Variants in NCAPH2 observed in about 807,000 individuals in gnomAD.
NCAPH2 encodes the protein non-SMC condensin II complex subunit H2.
Under a neutral mutation model 88.6 loss-of-function variants are expected in NCAPH2, and 56 were observed. The ratio of observed to expected loss-of-function variants is 0.63; its 90% CI spans 0.51 to 0.79. The LOEUF (loss-of-function observed/expected upper bound fraction) is 0.79. Ranked by LOEUF, NCAPH2 falls within the 30% of genes least tolerant of loss-of-function variation. The pLI, the probability that NCAPH2 is intolerant of heterozygous loss-of-function variation, is 0.00. For synonymous variants in NCAPH2, 378 were observed against 313.6 expected (o/e 1.21, Z -2.17); for missense variants, 794 against 792.0 (o/e 1.00, Z -0.03).
chr22:50,511,954 ATT>A (rs2068796171), intron 1 of NCAPH2, among the ~76,000 whole-genome samples: 1 of 151,874 alleles, frequency 6.6e-6, no homozygotes, highest in Non-Finnish European at 1.5e-5. Flanking sequence ...GCCCCAGCTA[ATT>A]TTTGTATTTT....
intron 13 of NCAPH2, 51 bp from the exon 14 acceptor site, chr22:50,522,130 G>A: frequency 1.2e-6 from 2 of 1,611,568 alleles, no homozygotes; most frequent in Non-Finnish European, 8.5e-7. Flanking sequence ...GGGTGGACTG[G>A]CACGGGGCCT....
Position 50,517,664 on chromosome 22 carries a change from G to A in NCAPH2, c.351+3G>A, listed in dbSNP as rs113818181. 3 of 1,614,144 alleles carry A rather than the reference G, an allele frequency of 1.9e-6. No individual in the cohort carries two copies. The highest frequency in any genetic ancestry group is 2.5e-6 in the Non-Finnish European group (3 of 1,180,036). On this transcript the variant is annotated splice_donor_region_variant and intron_variant, in intron 4 of 19. Transcript: ENST00000420993. ...TCCCCCAGGAGGCAGAGAATGAGGT[G>A]AGTTTCTTTGGCATGTGGTCCCCGC... is the stretch of plus-strand genomic sequence containing the variant.
At position 50,517,579 on chromosome 22, in the gene NCAPH2, G is replaced by A. The variant is rs777591184; in HGVS notation, c.269G>A (p.Arg90Gln). 6.8e-5 allele frequency: 110 copies of A among 1,613,928 alleles called. No homozygotes were observed. The Admixed American group carries it at 6.8e-4, about 10-fold the overall frequency. Residue 90 changes from arginine (R) to glutamine (Q), a missense_variant and splice_region_variant, in exon 4 of 20, where the codon CGG becomes CAG. Arg to Gln is a conservative substitution (Grantham distance 43). Transcript: ENST00000420993. Reference protein sequence around the residue: ...QALDFISGKRRAKQLSSVQED... With the variant: ...QALDFISGKRQAKQLSSVQED... ...CACGGGATGTGCTTCTCTCTCAGGC[G>A]GGCCAAGCAGCTCTCTTCGGTGCAG...
In NCAPH2 at chr22:50,517,797, T is replaced by C. The variant is rs764200384; in HGVS notation, c.408T>C (p.Asp136=). ...GGACTAACGTGGATCTCAAGAATGA[T>C]CAGACGCCCAGTGTGAGTCCTGGCC... ...DSRTNVDLKN[D]QTPSEVLIIP... Residue 136 remains aspartate, a synonymous_variant, in exon 5 of 20, where the codon GAT becomes GAC. Transcript: ENST00000420993. The C allele has an allele frequency of 1.9e-6, 3 of 1,613,914 alleles. No homozygotes were observed. In the Admixed American group the frequency reaches 5.0e-5, roughly 27 times the overall value.
rs1039499532 is a variant in NCAPH2, at chr22:50,524,663, T to C, written c.*1288T>C. ...GGATCACCAGCCTGTCACCGCACCC[T>C]GCCCTGCACCTGCACCTCAGCAAGG... is the stretch of plus-strand genomic sequence containing the variant. On this transcript the variant is annotated 3_prime_UTR_variant, in exon 20 of 20. Coordinates refer to ENST00000420993, the MANE Select transcript of NCAPH2 (RefSeq NM_152299.4). 2.9e-6 allele frequency: 2 copies of C among 684,856 alleles called. No homozygotes were observed. Among genetic ancestry groups the C allele is most frequent in the African/African-American group, 3.5e-5 (2 of 56,606 alleles). 42.4% of individuals were successfully genotyped at this position (684,856 alleles called of 1,614,324 possible). A position where few individuals can be genotyped will look rare whatever the true frequency, so the allele number is the denominator to read the frequency against.
At chr22:50,510,745 A>G (rs529684913) in intron 1 of NCAPH2, among the ~76,000 whole-genome samples, 186 of 151,870 alleles carry the variant, frequency 1.2e-3, no homozygotes, top group Non-Finnish European at 2.1e-3. Flanking sequence ...AGTCCTTTTC[A>G]TTCTTAAGGT....
Position 50,523,157 on chromosome 22 carries a change from C to T in NCAPH2, c.1668C>T (p.Ser556=), listed in dbSNP as rs1242886563. 4 of 1,613,828 alleles carry T rather than the reference C, an allele frequency of 2.5e-6. No homozygotes were observed. Among genetic ancestry groups the T allele is most frequent in the Admixed American group, 1.7e-5 (1 of 59,978 alleles). ...AGGTGTGTCGTTCCATGCTGGCCTCCCTGCAGCTGGTGAGTAGCCTGGGAT... is the reference window on the plus strand; with the variant it reads ...AGGTGTGTCGTTCCATGCTGGCCTCTCTGCAGCTGGTGAGTAGCCTGGGAT... ...AFEVCRSMLA[S]LQLANDYTVE... The change falls in exon 19 of 20, where the codon TCC becomes TCT. Residue 556 remains serine, a synonymous_variant. Transcript: ENST00000420993.
Position 50,523,642 on chromosome 22 carries a change from T to TGCC in NCAPH2, c.*273_*275dup. 1 of 1,613,832 alleles carries TGCC rather than the reference T, an allele frequency of 6.2e-7. No homozygotes were observed. Among genetic ancestry groups the TGCC allele is most frequent in the Non-Finnish European group, 8.5e-7 (1 of 1,180,036 alleles). On this transcript the variant is annotated 3_prime_UTR_variant, in exon 20 of 20. Coordinates refer to ENST00000420993, the MANE Select transcript of NCAPH2 (RefSeq NM_152299.4). Reference sequence around the variant, plus strand: ...CAGGACACTGCGGAAAGCCGCCATGTGCCGCCGCACACTGTCTGAGATCTG... The same window carrying TGCC: ...CAGGACACTGCGGAAAGCCGCCATGTGCCGCCGCCGCACACTGTCTGAGATCTG...
chr22:50,521,025 T>C lies in NCAPH2; in HGVS notation c.922T>C (p.Ser308Pro). ...GCGGGAGGGGGCCCCAGAGCCTGCA[T>C]CCTGCGTGAAGGTAGGAGTGTTGGG... ...REREGAPEPA[S>P]CVKETPDPWQ... Residue 308 changes from serine (S) to proline (P), a missense_variant, in exon 10 of 20, where the codon TCC (serine) becomes CCC (proline). Transcript: ENST00000420993. The C allele has an allele frequency of 2.6e-6, 4 of 1,550,570 alleles. No homozygotes were observed. Among genetic ancestry groups the C allele is most frequent in the Non-Finnish European group, 3.5e-6 (4 of 1,146,864 alleles).
At position 50,518,608 on chromosome 22, in the gene NCAPH2, G is replaced by A. The variant is rs914682672; in HGVS notation, c.647-41G>A. ...AACACCGGGCAGGGACCATCTTGGA[G>A]AGGGGCTGGGCTGACCTTGTCTGAT... is the stretch of plus-strand genomic sequence containing the variant. On this transcript the variant is annotated intron_variant, in intron 7 of 19. Coordinates refer to ENST00000420993, the MANE Select transcript of NCAPH2 (RefSeq NM_152299.4). 1.6e-5 allele frequency: 25 copies of A among 1,556,112 alleles called. No homozygotes were observed. The Admixed American group carries it at 3.2e-4, about 20-fold the overall frequency.
At chr22:50,517,864 G>A (rs1357581081) in intron 5 of NCAPH2, 55 bp downstream of exon 5, 2 of 1,607,140 alleles carry the variant, frequency 1.2e-6, no homozygotes, top group Non-Finnish European at 8.5e-7. Context: ...CTTTCCCTGG[G>A]GCTGTGTTGA....
At chr22:50,517,371 GC>G in intron 2 of NCAPH2, 55 bp from the exon 3 acceptor site, 1 of 1,581,492 alleles carries the variant, frequency 6.3e-7, no homozygotes, top group Non-Finnish European at 8.7e-7. Context: ...AGCTGGGAAG[GC>G]CTTGGGGGTG....
chr22:50,517,389 T>C (rs1008724072), intron 2 of NCAPH2, 38 bp from the exon 3 acceptor site: 42 of 1,611,658 alleles, frequency 2.6e-5, no homozygotes, highest in Non-Finnish European at 3.3e-5. Context: ...GGTGGGCCCC[T>C]CCTTTCTGGG....
chr22:50,510,604 T>C (rs1203537563), intron 1 of NCAPH2, among the ~76,000 whole-genome samples: 1 of 151,604 alleles, frequency 6.6e-6, no homozygotes, highest in Admixed American at 6.6e-5. Context: ...ATTTTTGTAT[T>C]TTTAGTAGAG....
chr22:50,522,740 A>G lies in NCAPH2; in HGVS notation c.1425+20A>G, dbSNP rs131813. 0.8 allele frequency: 1,291,463 copies of G among 1,612,448 alleles called. 519,360 individuals are homozygous for G. The highest frequency in any genetic ancestry group is 0.96 in the East Asian group (43,000 of 44,838). On this transcript the variant is annotated intron_variant, in intron 17 of 19. Transcript: ENST00000420993. ...AATGTGGTAGGCCTGGGTTAGAGGG[A>G]GACGGGGAGGGGAGGGGGACAGGTG...
Position 50,517,467 on chromosome 22 carries a change from T to A in NCAPH2, c.251T>A (p.Phe84Tyr). 6.2e-7 allele frequency: 1 copy of A among 1,614,068 alleles called. No homozygotes were observed. Among genetic ancestry groups the A allele is most frequent in the Non-Finnish European group, 8.5e-7 (1 of 1,180,032 alleles). Reference protein sequence around the residue: ...LYSLVYQALDFISGKRRAKQL... With the variant: ...LYSLVYQALDYISGKRRAKQL... ...TCACTCGTCTACCAGGCCCTTGATTTCATCTCTGGAAAGAGGTGAGTTCTG... is the reference window on the plus strand; with the variant it reads ...TCACTCGTCTACCAGGCCCTTGATTACATCTCTGGAAAGAGGTGAGTTCTG... The change falls in exon 3 of 20, where the codon TTC becomes TAC. Residue 84 changes from phenylalanine (F) to tyrosine (Y), a missense_variant. Transcript: ENST00000420993.
intron 10 of NCAPH2, 37 bp from the exon 11 acceptor site, chr22:50,521,506 C>G (rs201381452): frequency 1.9e-6 from 3 of 1,610,166 alleles, no homozygotes; most frequent in East Asian, 2.2e-5. Flanking sequence ...CTGTGCACCC[C>G]CTACTTCTCC....
chr22:50,513,138 G>C (rs1461744765), intron 1 of NCAPH2, among the ~76,000 whole-genome samples: 1 of 152,258 alleles, frequency 6.6e-6, no homozygotes, highest in Non-Finnish European at 1.5e-5. Flanking sequence ...AACCTTGTTA[G>C]TAGAGGCGTT....
rs777070725 is a variant in NCAPH2, at chr22:50,524,259, C to T, written c.*884C>T. 15 of 1,604,878 alleles carry T rather than the reference C, an allele frequency of 9.3e-6. No homozygotes were observed. The South Asian group carries it at 1.5e-4, about 16-fold the overall frequency. Reference sequence around the variant, plus strand: ...GGGTTCGAAGCCCAGGGCCCTGGGGCTGGCCCTGCCCACCTGTCTCTGCAG... The same window carrying T: ...GGGTTCGAAGCCCAGGGCCCTGGGGTTGGCCCTGCCCACCTGTCTCTGCAG... On this transcript the variant is annotated 3_prime_UTR_variant, in exon 20 of 20. Transcript: ENST00000420993.
Sources: gnomAD v4.1 joint callset for allele counts (sites outside exome capture counted in the v4.1 genomes callset) on GRCh38, gnomAD v4.1.1 for gene constraint, MANE v1.5 for transcripts, NCBI Gene and HGNC (gene_info 2026-07-23, HGNC 2026-07-21) for gene names.